The following SOS1 variants were observed in gnomAD, a reference collection of about 807,000 sequenced individuals.
SOS1 encodes SOS Ras/Rac guanine nucleotide exchange factor 1, also known as son of sevenless homolog 1.
A neutral mutation model predicts 157.6 loss-of-function variants in SOS1; 25 were observed. The observed-to-expected ratio is 0.16, with a 90% CI of 0.12 to 0.22. SOS1 has a LOEUF of 0.22. Among genes scored for constraint, SOS1 ranks in the 10% least tolerant of loss-of-function variants. SOS1 has a pLI of 1.00. For missense variants in SOS1, 1,237 were observed against 1,599.1 expected, an observed-to-expected ratio of 0.77 and a Z score of 3.86; for synonymous variants, 528 against 534.0, an observed-to-expected ratio of 0.99 and a Z score of 0.16.
chr2:38,998,622 G>A (rs1210745999), intron 17 of SOS1, among the ~76,000 whole-genome samples: 1 of 152,142 alleles, frequency 6.6e-6, no homozygotes. Context: ...TGTAAAATGA[G>A]GACAGGAGGG....
chr2:39,110,068 G>GTGTGTGTGTGTGTGTGTGTGTGTGTT (rs1395301175), intron 1 of SOS1, among the ~76,000 whole-genome samples: 2 of 148,586 alleles, frequency 1.3e-5, no homozygotes, highest in African/African-American at 5.2e-5. Flanking sequence ...GTGTGTGTGT[G>GTGTGTGTGTGTGTGTGTGTGTGTGTT]TGTGTGTGTG....
At chr2:39,060,467 C>T (rs774544745) in intron 2 of SOS1, among the ~76,000 whole-genome samples, 12 of 152,250 alleles carry the variant, frequency 7.9e-5, no homozygotes, top group South Asian at 4.1e-4. Flanking sequence ...TGCTCTGTTG[C>T]GCAGGCTGGA....
intron 6 of SOS1, among the ~76,000 whole-genome samples, chr2:39,050,029 A>G (rs146494859): frequency 5.8e-4 from 89 of 152,316 alleles, no homozygotes; most frequent in Non-Finnish European, 1.1e-3. Context: ...CTTGTTTTCA[A>G]GTCTAGTTAT....
chr2:39,119,295 C>A (rs917715506), intron 1 of SOS1, among the ~76,000 whole-genome samples: 6 of 152,176 alleles, frequency 3.9e-5, no homozygotes, highest in Non-Finnish European at 1.5e-5. Flanking sequence ...TGAGCAAATT[C>A]TCCTGAAAAA....
chr2:38,999,130 A>C (rs6544186), intron 17 of SOS1, among the ~76,000 whole-genome samples: 120,357 of 152,152 alleles, frequency 0.79, 50,562 homozygotes, highest in Non-Finnish European at 0.92. Context: ...AATAAGTCCC[A>C]AAAAATGAGA....
intron 20 of SOS1, chr2:38,993,979 A>C (rs1412681080): frequency 1.3e-5 from 2 of 152,206 alleles, no homozygotes; most frequent in African/African-American, 4.8e-5. Flanking sequence ...TAATTTAAAA[A>C]ATTATTGGTG....
intron 6 of SOS1, among the ~76,000 whole-genome samples, chr2:39,046,717 G>T (rs1297895074): frequency 1.3e-5 from 2 of 152,002 alleles, no homozygotes; most frequent in Non-Finnish European, 2.9e-5. Flanking sequence ...TGCCCAGGCT[G>T]GTCTTGAACT....
chr2:39,027,865 G>A (rs966903135), intron 8 of SOS1, among the ~76,000 whole-genome samples: 1 of 139,370 alleles, frequency 7.2e-6, no homozygotes, highest in African/African-American at 2.7e-5. Flanking sequence ...GTCTTGTTCT[G>A]TCTCCCAGGC....
upstream of SOS1, among the ~76,000 whole-genome samples, chr2:39,123,018 T>C (rs1039932138): frequency 9.9e-5 from 15 of 152,156 alleles, no homozygotes; most frequent in African/African-American, 3.6e-4. Context: ...TGGCTCCTGC[T>C]CACATTCTCA....
At chr2:39,112,185 A>T in intron 1 of SOS1, among the ~76,000 whole-genome samples, 1 of 151,546 alleles carries the variant, frequency 6.6e-6, no homozygotes, top group African/African-American at 2.4e-5. Context: ...TATCTTCTTA[A>T]TCTCTACTGC....
chr2:39,113,689 G>A (rs1673528616), intron 1 of SOS1, among the ~76,000 whole-genome samples: 1 of 152,164 alleles, frequency 6.6e-6, no homozygotes, highest in Non-Finnish European at 1.5e-5. Context: ...CACAGGTGAA[G>A]TGCTTACCTT....
At chr2:39,046,195 T>C (rs1558486845) in intron 6 of SOS1, among the ~76,000 whole-genome samples, 3 of 152,158 alleles carry the variant, frequency 2.0e-5, no homozygotes, top group East Asian at 3.8e-4. Flanking sequence ...AAAATTACTA[T>C]AGTTCCTTTT....
intron 1 of SOS1, among the ~76,000 whole-genome samples, chr2:39,083,759 A>G (rs1176899757): frequency 6.6e-6 from 1 of 152,238 alleles, no homozygotes; most frequent in Non-Finnish European, 1.5e-5. Flanking sequence ...GGATATACAT[A>G]CAAAGATTTT....
chr2:39,010,881 T>G (rs1478742886), intron 14 of SOS1, among the ~76,000 whole-genome samples, 178 bp from the exon 15 acceptor site: 1 of 145,452 alleles, frequency 6.9e-6, no homozygotes. Flanking sequence ...TATTTCCTTA[T>G]GGATTTTTTT....
At chr2:39,040,218 C>T (rs951588402) in intron 6 of SOS1, among the ~76,000 whole-genome samples, 5 of 151,984 alleles carry the variant, frequency 3.3e-5, no homozygotes, top group East Asian at 1.9e-4. Flanking sequence ...GGCGTTTCAC[C>T]GTGTTAGCCA....
In SOS1 at chr2:38,997,379, C is replaced by T. The variant is rs397517162; in HGVS notation, c.2838G>A (p.Glu946=). 1 of 1,611,764 alleles carries T rather than the reference C, an allele frequency of 6.2e-7. No individual in the cohort carries two copies. The highest frequency in any genetic ancestry group is 8.5e-7 in the Non-Finnish European group (1 of 1,178,356). Residue 946 remains glutamate (E), a synonymous_variant, in exon 18 of 23, where the codon GAG becomes GAA. Transcript: ENST00000402219. The part of the protein sequence containing the change: ...NILKTEEGNP[E]VLKRHGKELI... ...GCTCTTTTCCATGTCTTTTTAGGAC[C>T]TCAGGGTTGCCTTCTTCTGTTTTCA...
Position 38,996,943 on chromosome 2 carries a change from G to A in SOS1, c.3060C>T (p.Asn1020=), listed in dbSNP as rs142431345. Residue 1020 remains asparagine, a synonymous_variant, in exon 19 of 23, where the codon AAC becomes AAT. Transcript: ENST00000402219. ...TTACAAATCTTGGGAGAGGCTTAGG[G>A]TTTCGTGGTTCTATTTCTAGGGATT... is the stretch of plus-strand genomic sequence containing the variant. ...FNKSLEIEPR[N]PKPLPRFPKK... is the part of the protein sequence containing the mutation. The A allele has an allele frequency of 9.5e-6, 15 of 1,570,732 alleles. No homozygotes were observed. In the East Asian group the frequency reaches 3.4e-4, roughly 35 times the overall value.
Position 39,120,481 on chromosome 2 carries a change from C to G in SOS1, c.-59G>C. 1.4e-6 allele frequency: 2 copies of G among 1,441,254 alleles called. No individual in the cohort carries two copies. Among genetic ancestry groups the G allele is most frequent in the South Asian group, 1.3e-5 (1 of 74,096 alleles). The allele number at this position is 1,441,254 out of a possible 1,614,324, so 89.3% of individuals were successfully genotyped here. A position where few individuals can be genotyped will look rare whatever the true frequency, so the allele number is the denominator to read the frequency against. On this transcript the variant is annotated 5_prime_UTR_variant, in exon 1 of 23. Transcript: ENST00000402219. ...GGCGGCGGCGGCCGGGCCAGGGAGC[C>G]GCGAGAGGGCGAGCTCGCAGCGCGG...
At chr2:39,063,284 C>G (rs1377860) in intron 2 of SOS1, among the ~76,000 whole-genome samples, 142,029 of 152,242 alleles carry the variant, frequency 0.93, 66,355 homozygotes, top group African/African-American at 0.97. Context: ...CACTACACTT[C>G]GCAACATTTA....
Sources: allele counts gnomAD v4.1 joint callset (sites outside exome capture counted in the v4.1 genomes callset), GRCh38; gene constraint gnomAD v4.1.1; transcripts MANE v1.5; gene names NCBI Gene and HGNC (gene_info 2026-07-23, HGNC 2026-07-21).